Variants in C8orf34 observed in about 807,000 individuals in gnomAD.
The protein encoded by C8orf34 is uncharacterized protein C8orf34.
Under a neutral mutation model 68.3 loss-of-function variants are expected in C8orf34, and 65 were observed. That is an observed-to-expected ratio of 0.95 (90% CI 0.78 to 1.17). The LOEUF is 1.17. Among genes scored for constraint, C8orf34 ranks in the 50% most tolerant of loss-of-function variants. The pLI is 0.00. For synonymous variants in C8orf34, 244 were observed against 241.2 expected (o/e 1.01, Z -0.11); for missense variants, 664 against 655.4 (o/e 1.01, Z -0.14).
intron 1 of C8orf34, among the ~76,000 whole-genome samples, chr8:68,416,420 A>G (rs1809667286): frequency 6.6e-6 from 1 of 152,136 alleles, no homozygotes; most frequent in Non-Finnish European, 1.5e-5. Context: ...TTCATATTCC[A>G]AGATCCTGGA....
intron 8 of C8orf34, among the ~76,000 whole-genome samples, chr8:68,667,272 TA>T (rs1448875823): frequency 5.3e-5 from 8 of 152,214 alleles, no homozygotes; most frequent in African/African-American, 1.7e-4. Context: ...TTCATGGAGA[TA>T]TTTTTTACCT....
At chr8:68,550,247 T>C (rs73268441) in intron 7 of C8orf34, among the ~76,000 whole-genome samples, 30,964 of 151,594 alleles carry the variant, frequency 0.2, 4,239 homozygotes, top group African/African-American at 0.39. Context: ...TTAGTATATC[T>C]GTCATACTTC....
intron 7 of C8orf34, among the ~76,000 whole-genome samples, chr8:68,619,030 C>A (rs1586461886): frequency 6.6e-6 from 1 of 152,052 alleles, no homozygotes; most frequent in South Asian, 2.1e-4. Flanking sequence ...TTGAGCTGAA[C>A]TTTAAAGGAG....
chr8:68,509,418 CA>C, intron 5 of C8orf34, among the ~76,000 whole-genome samples: 1 of 151,788 alleles, frequency 6.6e-6, no homozygotes, highest in African/African-American at 2.4e-5. Context: ...GCCCTTCTGG[CA>C]AAAAAAAGCT....
chr8:68,513,496 C>T (rs2129633510), intron 5 of C8orf34, among the ~76,000 whole-genome samples: 1 of 152,282 alleles, frequency 6.6e-6, no homozygotes, highest in Non-Finnish European at 1.5e-5. Flanking sequence ...GGCTTGATTT[C>T]ACAATCAAAA....
intron 7 of C8orf34, among the ~76,000 whole-genome samples, chr8:68,580,756 T>C (rs1314739590): frequency 1.4e-4 from 22 of 152,164 alleles, no homozygotes; most frequent in Admixed American, 1.4e-3. Context: ...GTATGAAGTA[T>C]AATATTCTCC....
intron 12 of C8orf34, among the ~76,000 whole-genome samples, chr8:68,788,315 T>C (rs1435749680): frequency 6.6e-6 from 1 of 152,208 alleles, no homozygotes; most frequent in Non-Finnish European, 1.5e-5. Context: ...ATTATAATCA[T>C]GAATCTGGAG....
chr8:68,655,872 G>A (rs1323267219), intron 8 of C8orf34, among the ~76,000 whole-genome samples: 1 of 152,122 alleles, frequency 6.6e-6, no homozygotes, highest in Non-Finnish European at 1.5e-5. Flanking sequence ...CTAGAATGTA[G>A]GCACTGGTAA....
intron 7 of C8orf34, among the ~76,000 whole-genome samples, chr8:68,614,631 G>A (rs1347132503): frequency 6.6e-6 from 1 of 151,976 alleles, no homozygotes; most frequent in Admixed American, 6.6e-5. Context: ...GGGCTCTGTT[G>A]TGTTCCATTG....
intron 5 of C8orf34, among the ~76,000 whole-genome samples, chr8:68,491,458 C>G (rs1323649598): frequency 6.6e-6 from 1 of 152,120 alleles, no homozygotes; most frequent in African/African-American, 2.4e-5. Context: ...TCCTTCCATT[C>G]CAGGGGAAAT....
At chr8:68,526,242 A>G (rs1402921361) in intron 6 of C8orf34, among the ~76,000 whole-genome samples, 2 of 152,082 alleles carry the variant, frequency 1.3e-5, no homozygotes, top group Non-Finnish European at 2.9e-5. Context: ...TACAGGTATG[A>G]GCCACCATGC....
rs1458179127 is a variant in C8orf34 at position 68,774,351 on chromosome 8, A to T, written c.1405-2048A>T. On this transcript the variant is annotated intron_variant, in intron 10 of 13. Transcript: ENST00000518698. Reference sequence around the variant, plus strand: ...TGTGTGTATATATATATATATATAAAATAAACAAAAAAATAAACAGTTTAT... The same window carrying T: ...TGTGTGTATATATATATATATATAATATAAACAAAAAAATAAACAGTTTAT... Among the ~76,000 whole-genome samples, 401 of 146,554 alleles carry T rather than the reference A, an allele frequency of 2.7e-3. 3 individuals carry two copies. Among genetic ancestry groups the T allele is most frequent in the African/African-American group, 9.6e-3 (370 of 38,482 alleles).
chr8:68,759,133 T>A (rs562490103), intron 10 of C8orf34, among the ~76,000 whole-genome samples: 1 of 152,256 alleles, frequency 6.6e-6, no homozygotes, highest in South Asian at 2.1e-4. Context: ...CATATTCCTC[T>A]TAATCATTCT....
intron 7 of C8orf34, chr8:68,534,222 TG>T (rs1481982575): frequency 5.1e-6 from 5 of 985,416 alleles, no homozygotes; most frequent in Middle Eastern, 1.0e-3. Flanking sequence ...ACTGCATTCA[TG>T]CTAACATTAA....
intron 1 of C8orf34, among the ~76,000 whole-genome samples, chr8:68,372,943 T>A (rs1807626469): frequency 6.6e-6 from 1 of 152,204 alleles, no homozygotes; most frequent in Admixed American, 6.5e-5. Context: ...AAGCACAGCA[T>A]AGAAGAATGG....
At chr8:68,376,163 TG>T (rs1396585449) in intron 1 of C8orf34, among the ~76,000 whole-genome samples, 1 of 115,562 alleles carries the variant, frequency 8.7e-6, no homozygotes, top group Non-Finnish European at 1.7e-5. Flanking sequence ...AATAATCATA[TG>T]GCCTGTCAGA....
rs561998545 is a variant in C8orf34, at chr8:68,620,366, T to C, written c.1106-20010T>C. ...GGTTGGCATTCAGAGGGTCTGGGAG[T>C]GAAGGTGGAGCTGAGTCAGTGGTAG... On this transcript the variant is annotated intron_variant, in intron 7 of 13. Coordinates refer to ENST00000518698, the MANE Select transcript of C8orf34 (RefSeq NM_052958.4). 2.3e-4 allele frequency among the ~76,000 whole-genome samples: 35 copies of C among 151,162 alleles called. No homozygotes were observed. In the East Asian group the frequency reaches 3.7e-3, roughly 16 times the overall value.
chr8:68,460,411 C>T lies in C8orf34; in HGVS notation c.608-8281C>T, dbSNP rs533465038. ...CAGTAACCTCTGCAGACTTAAATATCCCTGTCTGACAGCTTTGAAGAGAGC... is the reference window on the plus strand; with the variant it reads ...CAGTAACCTCTGCAGACTTAAATATTCCTGTCTGACAGCTTTGAAGAGAGC... On this transcript the variant is annotated intron_variant, in intron 3 of 13. Coordinates refer to ENST00000518698, the MANE Select transcript of C8orf34 (RefSeq NM_052958.4). Among the ~76,000 whole-genome samples, 327 of 152,312 alleles carry T rather than the reference C, an allele frequency of 2.1e-3. 1 individual carries two copies. Among genetic ancestry groups the T allele is most frequent in the African/African-American group, 7.1e-3 (294 of 41,576 alleles).
intron 10 of C8orf34, among the ~76,000 whole-genome samples, chr8:68,740,180 C>T (rs1822241237): frequency 6.6e-6 from 1 of 151,936 alleles, no homozygotes; most frequent in Admixed American, 6.6e-5. Flanking sequence ...ATACCATTCT[C>T]GACACAGAAA....
Sources: gnomAD v4.1 joint callset for allele counts (sites outside exome capture counted in the v4.1 genomes callset) on GRCh38, gnomAD v4.1.1 for gene constraint, MANE v1.5 for transcripts, NCBI Gene and HGNC (gene_info 2026-07-23, HGNC 2026-07-21) for gene names.